The following PTPRN2 variants were observed in gnomAD, a reference collection of about 807,000 sequenced individuals.
The protein encoded by PTPRN2 is receptor-type tyrosine-protein phosphatase N2.
A neutral mutation model predicts 118.8 loss-of-function variants in PTPRN2; 74 were observed. The observed-to-expected ratio is 0.62, with a 90% confidence interval of 0.52 to 0.76. The LOEUF (loss-of-function observed/expected upper bound fraction) is 0.76, where lower values mean the gene tolerates loss of function less well. Ranked by LOEUF, PTPRN2 falls within the 30% of genes least tolerant of loss-of-function variation. The pLI, the probability that PTPRN2 is intolerant of heterozygous loss-of-function variation, is 0.00. For missense variants in PTPRN2, 1,481 were observed against 1,394.4 expected (o/e 1.06, Z -0.99); for synonymous variants, 641 against 608.0 (o/e 1.05, Z -0.80).
rs114591255 is a variant in PTPRN2 at position 158,406,491 on chromosome 7, C to G, written c.163+83244G>C. Among the ~76,000 whole-genome samples the G allele has an allele frequency of 9.8e-3, 1,488 of 152,304 alleles. 30 individuals are homozygous for G. Among genetic ancestry groups the G allele is most frequent in the African/African-American group, 0.033 (1,385 of 41,508 alleles). ...CATCCATGAGACATGTGGCTGCACACTGAGATCCCGCAGTGGTGCTTATCT... is the reference window on the plus strand; with the variant it reads ...CATCCATGAGACATGTGGCTGCACAGTGAGATCCCGCAGTGGTGCTTATCT... On this transcript the variant is annotated intron_variant, in intron 2 of 22. Coordinates refer to ENST00000389418, the MANE Select transcript of PTPRN2 (RefSeq NM_002847.5).
At chr7:158,188,186 CGATGG>C (rs1825356846) in intron 5 of PTPRN2, among the ~76,000 whole-genome samples, 1 of 57,928 alleles carries the variant, frequency 1.7e-5, no homozygotes, top group Non-Finnish European at 4.0e-5. Context: ...GCTCGCCCCG[CGATGG>C]GGAAGGCCGC....
At chr7:158,491,454 T>A (rs919045120) in intron 1 of PTPRN2, among the ~76,000 whole-genome samples, 3 of 152,142 alleles carry the variant, frequency 2.0e-5, no homozygotes, top group Non-Finnish European at 4.4e-5. Context: ...TTGGGGGAGT[T>A]TTTGTTTGTT....
intron 3 of PTPRN2, among the ~76,000 whole-genome samples, chr7:158,273,840 AG>A: frequency 8.7e-6 from 1 of 114,560 alleles, no homozygotes; most frequent in Middle Eastern, 8.6e-3. Flanking sequence ...CCGCAGACAC[AG>A]GGGGAGCCGC....
At chr7:158,152,737 C>T (rs1200434048) in intron 6 of PTPRN2, among the ~76,000 whole-genome samples, 12 of 152,182 alleles carry the variant, frequency 7.9e-5, no homozygotes, top group African/African-American at 2.9e-4. Context: ...CAGGCACACA[C>T]ACAAGTGGCT....
chr7:157,783,125 C>G (rs1803787072), intron 12 of PTPRN2, among the ~76,000 whole-genome samples: 1 of 152,192 alleles, frequency 6.6e-6, no homozygotes, highest in Non-Finnish European at 1.5e-5. Flanking sequence ...TGAAGAAGAA[C>G]ATGTTTGCTT....
At chr7:158,048,465 T>A (rs548699486) in intron 11 of PTPRN2, among the ~76,000 whole-genome samples, 1 of 152,134 alleles carries the variant, frequency 6.6e-6, no homozygotes, top group Non-Finnish European at 1.5e-5. Flanking sequence ...GTAAGTTACA[T>A]AGGAATAATG....
At chr7:158,204,037 G>C (rs1304570670) in intron 4 of PTPRN2, among the ~76,000 whole-genome samples, 2 of 151,158 alleles carry the variant, frequency 1.3e-5, no homozygotes, top group African/African-American at 2.4e-5. Flanking sequence ...CGTGAGCCGC[G>C]TTCTGGGGAA....
At chr7:157,982,505 T>TTC (rs1803345670) in intron 11 of PTPRN2, among the ~76,000 whole-genome samples, 1 of 75,660 alleles carries the variant, frequency 1.3e-5, no homozygotes, top group Non-Finnish European at 2.6e-5. Flanking sequence ...GAGTGCAGGG[T>TTC]CCCCCCAAAC....
chr7:158,143,274 C>T (rs1819557808), intron 6 of PTPRN2, among the ~76,000 whole-genome samples: 1 of 152,156 alleles, frequency 6.6e-6, no homozygotes, highest in Non-Finnish European at 1.5e-5. Context: ...TCTGAAGGGT[C>T]CCGGGCTCCA....
At chr7:157,782,359 C>T (rs138673590) in intron 12 of PTPRN2, among the ~76,000 whole-genome samples, 17 of 152,314 alleles carry the variant, frequency 1.1e-4, no homozygotes, top group African/African-American at 3.1e-4. Flanking sequence ...CAGTGCCAGG[C>T]GGAATCGGTT....
intron 2 of PTPRN2, among the ~76,000 whole-genome samples, chr7:158,454,892 T>A (rs1400669249): frequency 6.6e-6 from 1 of 152,132 alleles, no homozygotes; most frequent in Non-Finnish European, 1.5e-5. Context: ...GGCTGTTGCA[T>A]GGAACAGACA....
chr7:158,465,644 G>A (rs536180093), intron 2 of PTPRN2, among the ~76,000 whole-genome samples: 1 of 152,330 alleles, frequency 6.6e-6, no homozygotes, highest in African/African-American at 2.4e-5. Flanking sequence ...TGGAAGCACT[G>A]AAAGGCTCAG....
chr7:158,337,788 C>G (rs373113722), intron 2 of PTPRN2, among the ~76,000 whole-genome samples: 2 of 53,890 alleles, frequency 3.7e-5, no homozygotes, highest in East Asian at 6.0e-4. Flanking sequence ...CACACCCACA[C>G]TCTCACCATA....
chr7:157,829,590 G>A (rs1331712154), intron 12 of PTPRN2, among the ~76,000 whole-genome samples: 1 of 152,232 alleles, frequency 6.6e-6, no homozygotes, highest in African/African-American at 2.4e-5. Context: ...AGCTGAGGAC[G>A]AGGATGTTGG....
chr7:158,551,736 A>T (rs375988238), intron 1 of PTPRN2, among the ~76,000 whole-genome samples: 1 of 12,990 alleles, frequency 7.7e-5, no homozygotes, highest in East Asian at 3.9e-3. Context: ...CCAGCTCCTA[A>T]CCCATTGCAT....
chr7:158,489,683 G>T, intron 2 of PTPRN2, 52 bp downstream of exon 2: 1 of 1,524,902 alleles, frequency 6.6e-7, no homozygotes. Context: ...GCTGCGCACG[G>T]CGGGCAGGAG....
At chr7:158,031,729 TA>T (rs1283031579) in intron 11 of PTPRN2, among the ~76,000 whole-genome samples, 1 of 152,102 alleles carries the variant, frequency 6.6e-6, no homozygotes, top group East Asian at 1.9e-4. Flanking sequence ...ATTTATATTT[TA>T]AAAAAAGAAG....
At chr7:158,052,962 C>T (rs1245362391) in intron 11 of PTPRN2, among the ~76,000 whole-genome samples, 3 of 152,154 alleles carry the variant, frequency 2.0e-5, no homozygotes, top group Non-Finnish European at 1.5e-5. Context: ...ACCTCGGGGG[C>T]TCCTGCTGGG....
At chr7:158,145,556 A>G (rs1475010127) in intron 6 of PTPRN2, among the ~76,000 whole-genome samples, 1 of 152,226 alleles carries the variant, frequency 6.6e-6, no homozygotes, top group Non-Finnish European at 1.5e-5. Flanking sequence ...AAGAAATGGC[A>G]ACGTGAGCAG....
Sources: gnomAD v4.1 joint callset for allele counts (sites outside exome capture counted in the v4.1 genomes callset) on GRCh38, gnomAD v4.1.1 for gene constraint, MANE v1.5 for transcripts, NCBI Gene and HGNC (gene_info 2026-07-23, HGNC 2026-07-21) for gene names.